GCNT1: variants seen among roughly 807,000 people sequenced by gnomAD.
GCNT1 encodes the protein beta-1,3-galactosyl-O-glycosyl-glycoprotein beta-1,6-N-acetylglucosaminyltransferase.
GCNT1 carries 16 observed loss-of-function variants against 26.2 expected under a neutral mutation model. The ratio of observed to expected loss-of-function variants is 0.61; its 90% CI spans 0.41 to 0.93. GCNT1 has a LOEUF of 0.93. GCNT1 is among the 40% of genes least tolerant of loss of function. The probability of loss-of-function intolerance (pLI) is 0.00; values close to 1 mark genes in which losing one functional copy is unlikely to be tolerated. For synonymous variants in GCNT1, 183 were observed against 190.8 expected, an observed-to-expected ratio of 0.96 and a Z score of 0.34; for missense variants, 477 against 526.7, an observed-to-expected ratio of 0.91 and a Z score of 0.92.
chr9:76,481,785 G>C (rs1047801256), intron 2 of GCNT1, among the ~76,000 whole-genome samples: 1 of 152,190 alleles, frequency 6.6e-6, no homozygotes, highest in Non-Finnish European at 1.5e-5. Flanking sequence ...AAAAGACACA[G>C]ACTCCTGGGC....
chr9:76,482,791 T>C (rs1239511584), intron 2 of GCNT1, among the ~76,000 whole-genome samples: 1 of 148,952 alleles, frequency 6.7e-6, no homozygotes, highest in East Asian at 2.1e-4. Flanking sequence ...ACTACAGGCA[T>C]GCGCCACCAC....
chr9:76,431,381 G>T (rs11144898), intron 1 of GCNT1, among the ~76,000 whole-genome samples: 45,132 of 152,008 alleles, frequency 0.3, 6,907 homozygotes, highest in East Asian at 0.39. Flanking sequence ...CTCAGTTTCA[G>T]TAACTTGCTA....
At chr9:76,496,806 C>A (rs1377344101) in intron 2 of GCNT1, among the ~76,000 whole-genome samples, 1 of 152,210 alleles carries the variant, frequency 6.6e-6, no homozygotes, top group Non-Finnish European at 1.5e-5. Context: ...TCTGTTCCAA[C>A]TCACGGTGGA....
At position 76,467,278 on chromosome 9, in the gene GCNT1, G is replaced by A. The variant is rs568454552; in HGVS notation, c.-290+7101G>A. ...AGGATGGTCTCAATCTCCTGACCTA[G>A]TGATCCACCCGCCTTGGCCTCCCAA... On this transcript the variant is annotated intron_variant, in intron 2 of 3. Coordinates refer to ENST00000376730, the MANE Select transcript of GCNT1 (RefSeq NM_001490.5). Among the ~76,000 whole-genome samples, 5 of 152,284 alleles carry A rather than the reference G, an allele frequency of 3.3e-5. No homozygotes were observed. The South Asian group carries it at 6.2e-4, about 19-fold the overall frequency.
At chr9:76,473,271 C>T (rs1462713086) in intron 2 of GCNT1, among the ~76,000 whole-genome samples, 1 of 152,120 alleles carries the variant, frequency 6.6e-6, no homozygotes, top group Non-Finnish European at 1.5e-5. Flanking sequence ...AGCATATAAC[C>T]TCTGAGTGAA....
intron 1 of GCNT1, among the ~76,000 whole-genome samples, chr9:76,442,773 C>T (rs892034972): frequency 6.6e-6 from 1 of 152,008 alleles, no homozygotes; most frequent in African/African-American, 2.4e-5. Context: ...TCTTAAGTTA[C>T]AAAGTACCAT....
chr9:76,404,754 G>A, the GCNT1 span, among the ~76,000 whole-genome samples: 1 of 152,064 alleles, frequency 6.6e-6, no homozygotes, highest in Non-Finnish European at 1.5e-5. Flanking sequence ...CTCCTGGAAG[G>A]AATACTGCTC....
At chr9:76,495,363 C>A (rs771533505) in intron 2 of GCNT1, among the ~76,000 whole-genome samples, 1 of 152,130 alleles carries the variant, frequency 6.6e-6, no homozygotes, top group African/African-American at 2.4e-5. Flanking sequence ...CAGACCTTTG[C>A]GGTGAGTGTT....
intron 1 of GCNT1, among the ~76,000 whole-genome samples, chr9:76,426,946 G>A (rs1244388080): frequency 6.6e-6 from 1 of 152,098 alleles, no homozygotes; most frequent in East Asian, 1.9e-4. Flanking sequence ...AATATTCATT[G>A]TTATGGGCTG....
rs1209852971 is a variant in GCNT1, at chr9:76,503,209, T to TC, written c.830dup (p.Leu278ThrfsTer16). ...ACACAGGGACTGTCAAAATGCTTCC[T>TC]CCACTCGAAACACCTCTCTTTTCTG... On this transcript the variant is annotated frameshift_variant, in exon 4 of 4. Transcript: ENST00000376730. LOFTEE classifies it high-confidence loss of function. 5 of 1,614,046 alleles carry TC rather than the reference T, an allele frequency of 3.1e-6. No individual in the cohort carries two copies. The African/African-American group carries it at 4.0e-5, about 13-fold the overall frequency.
intron 3 of GCNT1, 146 bp from the exon 4 acceptor site, chr9:76,502,093 T>C (rs1347863475): frequency 6.3e-6 from 1 of 159,258 alleles, no homozygotes; most frequent in Non-Finnish European, 1.4e-5. Flanking sequence ...TTGTTTTTGT[T>C]TTAAACCTAA....
At chr9:76,473,775 C>T (rs1195885108) in intron 2 of GCNT1, among the ~76,000 whole-genome samples, 1 of 152,166 alleles carries the variant, frequency 6.6e-6, no homozygotes, top group Non-Finnish European at 1.5e-5. Flanking sequence ...TGCCACTGTA[C>T]TCTTCTGTGT....
intron 2 of GCNT1, among the ~76,000 whole-genome samples, chr9:76,480,208 G>A (rs924010646): frequency 3.9e-5 from 6 of 152,028 alleles, no homozygotes; most frequent in African/African-American, 9.7e-5. Context: ...TGTTCCATTG[G>A]TCTATATCTC....
chr9:76,504,920 T>G lies in GCNT1; in HGVS notation c.*1252T>G, dbSNP rs1193413108. ...ACTTTGGGTTTGGGACAGATTTTTTTTTTTGTTTTTGGTATCATTCACAGC... is the reference window on the plus strand; with the variant it reads ...ACTTTGGGTTTGGGACAGATTTTTTGTTTTGTTTTTGGTATCATTCACAGC... On this transcript the variant is annotated 3_prime_UTR_variant, in exon 4 of 4. Transcript: ENST00000376730. The G allele has an allele frequency of 4.8e-6, 2 of 413,344 alleles. No individual in the cohort carries two copies. The highest frequency in any genetic ancestry group is 3.6e-5 in the East Asian group (1 of 28,074). 25.6% of individuals were successfully genotyped at this position (413,344 alleles called of 1,614,324 possible).
chr9:76,394,223 A>G, the GCNT1 span: 443,064 of 1,531,988 alleles, frequency 0.29, 65,407 homozygotes, highest in Middle Eastern at 0.39. Context: ...CGTCCTGCGG[A>G]GCCGCCGTCG....
chr9:76,487,962 A>G (rs1824625496), intron 2 of GCNT1, among the ~76,000 whole-genome samples: 1 of 152,080 alleles, frequency 6.6e-6, no homozygotes, highest in African/African-American at 2.4e-5. Flanking sequence ...TTGAACTCCT[A>G]GGCTCAGGCG....
At chr9:76,445,315 T>G (rs940074155) in intron 1 of GCNT1, among the ~76,000 whole-genome samples, 4 of 152,154 alleles carry the variant, frequency 2.6e-5, no homozygotes, top group African/African-American at 9.7e-5. Flanking sequence ...ATTATCACTG[T>G]ATGAAAAGAT....
At chr9:76,398,739 A>T in the GCNT1 span, 2 of 1,295,706 alleles carry the variant, frequency 1.5e-6, no homozygotes, top group East Asian at 2.3e-5. Flanking sequence ...AAGGAGGAGG[A>T]TGTCCTTAAG....
upstream of GCNT1, among the ~76,000 whole-genome samples, chr9:76,437,644 C>T (rs554403019): frequency 4.6e-5 from 7 of 152,250 alleles, no homozygotes; most frequent in South Asian, 1.0e-3. Context: ...TCTATGGACT[C>T]GCCCTGAATT....
Sources: allele counts gnomAD v4.1 joint callset (sites outside exome capture counted in the v4.1 genomes callset), GRCh38; gene constraint gnomAD v4.1.1; transcripts MANE v1.5; gene names NCBI Gene and HGNC (gene_info 2026-07-23, HGNC 2026-07-21).